RPH3A: variants seen among roughly 807,000 people sequenced by gnomAD.
RPH3A encodes rabphilin-3A.
RPH3A carries 48 observed loss-of-function variants against 102.2 expected under a neutral mutation model. The ratio of observed to expected loss-of-function variants is 0.47; its 90% CI spans 0.37 to 0.60. The LOEUF (loss-of-function observed/expected upper bound fraction) is 0.60, where lower values mean the gene tolerates loss of function less well. Ranked by LOEUF, RPH3A falls within the 20% of genes least tolerant of loss-of-function variation. The probability of loss-of-function intolerance (pLI) is 0.00; values close to 1 mark genes in which losing one functional copy is unlikely to be tolerated. For synonymous variants in RPH3A, 310 were observed against 324.3 expected (o/e 0.96, Z 0.47); for missense variants, 781 against 910.1 (o/e 0.86, Z 1.83).
At chr12:112,701,977 C>A (rs549761062) in intron 1 of RPH3A, among the ~76,000 whole-genome samples, 1 of 152,162 alleles carries the variant, frequency 6.6e-6, no homozygotes, top group African/African-American at 2.4e-5. Context: ...TCCATTTTTG[C>A]GATTAAGAGC....
At chr12:112,847,172 A>T (rs951577607) in intron 4 of RPH3A, among the ~76,000 whole-genome samples, 3 of 152,238 alleles carry the variant, frequency 2.0e-5, no homozygotes, top group African/African-American at 7.2e-5. Context: ...GCTTAAAAAG[A>T]AAAGGCAAAA....
At chr12:112,640,731 TTCCTGAAATTC>T (rs2135991351) in intron 1 of RPH3A, among the ~76,000 whole-genome samples, 1 of 152,254 alleles carries the variant, frequency 6.6e-6, no homozygotes, top group African/African-American at 2.4e-5. Context: ...TCTCAATAAC[TTCCTGAAATTC>T]TCTAGGGGGC....
rs150144546 is a variant in RPH3A at position 112,717,567 on chromosome 12, T to A, written c.-139-74576T>A. ...AGATACATCAATGTTTTTGTGTATA[T>A]TAGTAGCTCATTCCTTTTTATTGAT... On this transcript the variant is annotated intron_variant, in intron 1 of 21. Transcript: ENST00000543106. Among the ~76,000 whole-genome samples the A allele has an allele frequency of 1.6e-3, 238 of 152,278 alleles. 2 individuals carry two copies. Among genetic ancestry groups the A allele is most frequent in the African/African-American group, 5.4e-3 (226 of 41,548 alleles).
At chr12:112,783,466 C>T (rs779531037) in intron 1 of RPH3A, among the ~76,000 whole-genome samples, 14 of 152,282 alleles carry the variant, frequency 9.2e-5, no homozygotes, top group African/African-American at 2.6e-4. Flanking sequence ...ACTCCTGTCA[C>T]GTTTTTCTAT....
intron 1 of RPH3A, among the ~76,000 whole-genome samples, chr12:112,716,876 A>G (rs980427552): frequency 1.3e-5 from 2 of 152,236 alleles, no homozygotes; most frequent in South Asian, 2.1e-4. Flanking sequence ...CACATTGGGC[A>G]TATTCCCTGT....
At chr12:112,717,787 T>C (rs1477235226) in intron 1 of RPH3A, among the ~76,000 whole-genome samples, 1 of 151,912 alleles carries the variant, frequency 6.6e-6, no homozygotes, top group Non-Finnish European at 1.5e-5. Context: ...GGTAAACATA[T>C]GTTTAACTTT....
chr12:112,670,893 AAAAC>A, intron 1 of RPH3A, among the ~76,000 whole-genome samples: 1 of 152,316 alleles, frequency 6.6e-6, no homozygotes, highest in Non-Finnish European at 1.5e-5. Flanking sequence ...AAGGGGTGGG[AAAAC>A]AAACCTCACC....
intron 5 of RPH3A, among the ~76,000 whole-genome samples, chr12:112,860,107 G>C (rs967909128): frequency 6.6e-6 from 1 of 152,192 alleles, no homozygotes; most frequent in African/African-American, 2.4e-5. Flanking sequence ...TGTGACACAT[G>C]GTCCACCATG....
In RPH3A at chr12:112,628,726, G is replaced by T. The variant is rs942440732; in HGVS notation, c.-140+53407G>T. Among the ~76,000 whole-genome samples the T allele has an allele frequency of 2.6e-5, 4 of 151,460 alleles. No individual in the cohort carries two copies. The East Asian group carries it at 7.7e-4, about 29-fold the overall frequency. ...TGATCATGCAAAGGTGACAGAGTGA[G>T]ACCCCATCTCTGAAAAAATGAAAAA... On this transcript the variant is annotated intron_variant, in intron 1 of 21. Coordinates refer to the RPH3A transcript ENST00000543106.
chr12:112,637,570 A>G (rs1376501481), intron 1 of RPH3A, among the ~76,000 whole-genome samples: 2 of 152,172 alleles, frequency 1.3e-5, no homozygotes, highest in Admixed American at 6.5e-5. Context: ...ATGGATGGTT[A>G]TATATGTTTG....
At chr12:112,841,882 C>G in intron 4 of RPH3A, 1 of 452,538 alleles carries the variant, frequency 2.2e-6, no homozygotes, top group East Asian at 7.0e-5. Flanking sequence ...GTTAGTTGGT[C>G]TCTCTCTCCT....
intron 1 of RPH3A, among the ~76,000 whole-genome samples, chr12:112,780,941 G>C (rs998643939): frequency 6.6e-6 from 1 of 152,244 alleles, no homozygotes; most frequent in Non-Finnish European, 1.5e-5. Context: ...ATCACCTGAG[G>C]TCAAGAGTTT....
At chr12:112,821,167 C>T (rs2041771669) in intron 2 of RPH3A, among the ~76,000 whole-genome samples, 1 of 152,182 alleles carries the variant, frequency 6.6e-6, no homozygotes, top group Non-Finnish European at 1.5e-5. Context: ...AGTGAAGGGG[C>T]ACTCGGCTCC....
intron 5 of RPH3A, among the ~76,000 whole-genome samples, chr12:112,859,574 C>T (rs1307709082): frequency 6.6e-6 from 1 of 152,146 alleles, no homozygotes; most frequent in African/African-American, 2.4e-5. Context: ...TGGAGATATT[C>T]AGGTGAGCAT....
At chr12:112,794,161 C>T (rs1165288594) in intron 2 of RPH3A, among the ~76,000 whole-genome samples, 1 of 152,170 alleles carries the variant, frequency 6.6e-6, no homozygotes, top group East Asian at 1.9e-4. Context: ...AGAGAAGCTT[C>T]TGGAAAGAGC....
At chr12:112,872,682 C>A (rs370676178) in intron 10 of RPH3A, among the ~76,000 whole-genome samples, 21 of 152,088 alleles carry the variant, frequency 1.4e-4, no homozygotes, top group African/African-American at 5.1e-4. Flanking sequence ...ATAGTTTTAG[C>A]CCTTATATTT....
intron 1 of RPH3A, among the ~76,000 whole-genome samples, chr12:112,769,792 A>G (rs2040915491): frequency 6.6e-6 from 1 of 152,222 alleles, no homozygotes; most frequent in Admixed American, 6.5e-5. Context: ...ACATTCTGAT[A>G]TAATTTGTGA....
At chr12:112,732,338 C>T (rs1401261737) in intron 1 of RPH3A, among the ~76,000 whole-genome samples, 1 of 152,144 alleles carries the variant, frequency 6.6e-6, no homozygotes, top group African/African-American at 2.4e-5. Context: ...CTTTGAAGTC[C>T]AACACACTTG....
At chr12:112,765,500 C>G (rs1274101706) in intron 1 of RPH3A, among the ~76,000 whole-genome samples, 1 of 152,136 alleles carries the variant, frequency 6.6e-6, no homozygotes, top group African/African-American at 2.4e-5. Context: ...TCCTTAGTGC[C>G]TATCAGACCT....
Sources: allele counts gnomAD v4.1 joint callset (sites outside exome capture counted in the v4.1 genomes callset), GRCh38; gene constraint gnomAD v4.1.1; transcripts MANE v1.5; gene names NCBI Gene and HGNC (gene_info 2026-07-23, HGNC 2026-07-21).